The following SEPTIN9 variants were observed in gnomAD, a reference collection of about 807,000 sequenced individuals.
SEPTIN9 encodes septin-9.
Under a neutral mutation model 56.6 loss-of-function variants are expected in SEPTIN9, and 13 were observed. The ratio of observed to expected loss-of-function variants is 0.23; its 90% CI spans 0.15 to 0.37. The LOEUF (loss-of-function observed/expected upper bound fraction) is 0.37, where lower values mean the gene tolerates loss of function less well. Among genes scored for constraint, SEPTIN9 ranks in the 10% least tolerant of loss-of-function variants. The pLI, the probability that SEPTIN9 is intolerant of heterozygous loss-of-function variation, is 1.00. For missense variants in SEPTIN9, 650 were observed against 823.1 expected, an observed-to-expected ratio of 0.79 and a Z score of 2.57; for synonymous variants, 332 against 334.1, an observed-to-expected ratio of 0.99 and a Z score of 0.07.
Position 77,500,463 on chromosome 17 carries a change from G to A in SEPTIN9, c.*1805G>A. On this transcript the variant is annotated 3_prime_UTR_variant, in exon 12 of 12. Coordinates refer to ENST00000427177, the MANE Select transcript of SEPTIN9 (RefSeq NM_001113491.2). Reference sequence around the variant, plus strand: ...CTCTGTAACCAGACTTTGAAAAATTGTTCGTTTCATCAGGCTCTGTTCCTC... The same window carrying A: ...CTCTGTAACCAGACTTTGAAAAATTATTCGTTTCATCAGGCTCTGTTCCTC... The A allele has an allele frequency of 4.5e-6, 1 of 222,700 alleles. No homozygotes were observed. The highest frequency in any genetic ancestry group is 6.5e-5 in the East Asian group (1 of 15,426). 13.8% of individuals were successfully genotyped at this position (222,700 alleles called of 1,614,324 possible).
At chr17:77,470,297 C>A (rs2038932815) in intron 3 of SEPTIN9, among the ~76,000 whole-genome samples, 1 of 149,284 alleles carries the variant, frequency 6.7e-6, no homozygotes, top group African/African-American at 2.5e-5. Context: ...CATCTACTCA[C>A]CCACCCATCC....
chr17:77,344,462 A>G (rs961400658), intron 2 of SEPTIN9, among the ~76,000 whole-genome samples: 1 of 152,246 alleles, frequency 6.6e-6, no homozygotes, highest in Admixed American at 6.5e-5. Flanking sequence ...TGCTCAAAAA[A>G]TTAAACTCAG....
intron 3 of SEPTIN9, among the ~76,000 whole-genome samples, chr17:77,470,259 C>G (rs2038930124): frequency 6.6e-6 from 1 of 151,846 alleles, no homozygotes; most frequent in South Asian, 2.1e-4. Flanking sequence ...TCCACCCATC[C>G]ACTCATCTGT....
rs1014451756 is a variant in SEPTIN9 at position 77,436,447 on chromosome 17, C to G, written c.721+33744C>G. Among the ~76,000 whole-genome samples, 3 of 152,100 alleles carry G rather than the reference C, an allele frequency of 2.0e-5. No homozygotes were observed. Among genetic ancestry groups the G allele is most frequent in the Non-Finnish European group, 1.5e-5 (1 of 68,004 alleles). On this transcript the variant is annotated intron_variant, in intron 3 of 11. Coordinates refer to ENST00000427177, the MANE Select transcript of SEPTIN9 (RefSeq NM_001113491.2). This position sits in a 1 kb window ranked among gnomAD's most constrained non-coding sequence, Gnocchi z 4.4. ...ACTGGGATTTGGCAAAGCAAAGAGC[C>G]TCACTTTCTCCCCGCAGATGGGACG...
At chr17:77,303,925 C>T (rs530788878) in intron 1 of SEPTIN9, among the ~76,000 whole-genome samples, 37 of 152,290 alleles carry the variant, frequency 2.4e-4, no homozygotes, top group African/African-American at 8.9e-4. Flanking sequence ...GCTTTCCTGC[C>T]TCCTTTGCCT....
intron 3 of SEPTIN9, among the ~76,000 whole-genome samples, chr17:77,479,929 C>G (rs913574375): frequency 6.6e-6 from 1 of 152,190 alleles, no homozygotes; most frequent in African/African-American, 2.4e-5. Flanking sequence ...AGGAAGCGGC[C>G]CCAAAGCCAC....
intron 3 of SEPTIN9, among the ~76,000 whole-genome samples, chr17:77,428,394 G>T (rs2036996871): frequency 6.6e-6 from 1 of 152,220 alleles, no homozygotes; most frequent in Non-Finnish European, 1.5e-5. Context: ...GTGACAGGTG[G>T]ACACTGTACC....
chr17:77,411,135 G>A (rs1479207525), intron 3 of SEPTIN9, among the ~76,000 whole-genome samples: 1 of 151,138 alleles, frequency 6.6e-6, no homozygotes, highest in African/African-American at 2.4e-5. Context: ...AGAAAATGAA[G>A]ATCACATGAA....
chr17:77,382,260 C>T (rs905523352), intron 2 of SEPTIN9, among the ~76,000 whole-genome samples: 3 of 152,202 alleles, frequency 2.0e-5, no homozygotes, highest in Non-Finnish European at 4.4e-5. Context: ...AACTCCTTAC[C>T]TCAGGTGATC....
chr17:77,411,179 A>G (rs1369444260), intron 3 of SEPTIN9, among the ~76,000 whole-genome samples: 1 of 151,338 alleles, frequency 6.6e-6, no homozygotes, highest in Non-Finnish European at 1.5e-5. Context: ...CCATTCCCCA[A>G]CTCTCTCCCA....
rs550213791 is a variant in SEPTIN9 at position 77,459,075 on chromosome 17, G to A, written c.722-23069G>A. 4.6e-5 allele frequency among the ~76,000 whole-genome samples: 7 copies of A among 152,332 alleles called. No homozygotes were observed. The South Asian group carries it at 8.3e-4, about 18-fold the overall frequency. On this transcript the variant is annotated intron_variant, in intron 3 of 11. Transcript: ENST00000427177. ...AACGGGGCCACGGTCGGCCCCACAC[G>A]TGGCACCACCAGCCCTGCTGAGCCT... is the stretch of plus-strand genomic sequence containing the variant.
intron 3 of SEPTIN9, among the ~76,000 whole-genome samples, chr17:77,420,783 C>A (rs563815712): frequency 5.9e-5 from 9 of 152,274 alleles, no homozygotes; most frequent in African/African-American, 2.2e-4. Flanking sequence ...ATCTTTCTGG[C>A]AACAGTCAGT....
At chr17:77,488,433 C>A in intron 6 of SEPTIN9, 112 bp downstream of exon 6, 1 of 1,008,466 alleles carries the variant, frequency 9.9e-7, no homozygotes. Flanking sequence ...GGCCCACCTC[C>A]TGGGACCTGA....
chr17:77,285,751 C>T (rs940620358), intron 1 of SEPTIN9, among the ~76,000 whole-genome samples: 9 of 152,324 alleles, frequency 5.9e-5, no homozygotes, highest in East Asian at 1.9e-4. Context: ...GCACCAGCCA[C>T]GATTAAAAAG....
At chr17:77,466,620 G>A (rs1386899545) in intron 3 of SEPTIN9, 2 of 983,488 alleles carry the variant, frequency 2.0e-6, no homozygotes, top group Non-Finnish European at 2.4e-6. Context: ...AGCAGGAGGT[G>A]TGGAGGGTAG....
At chr17:77,390,475 G>A (rs1475062530) in intron 2 of SEPTIN9, among the ~76,000 whole-genome samples, 2 of 127,306 alleles carry the variant, frequency 1.6e-5, no homozygotes, top group South Asian at 2.5e-4. Context: ...TTTTTGAGAC[G>A]GAGTCTCGCT....
intron 3 of SEPTIN9, among the ~76,000 whole-genome samples, chr17:77,403,418 C>T (rs2035968654): frequency 6.6e-6 from 1 of 152,206 alleles, no homozygotes; most frequent in African/African-American, 2.4e-5. Context: ...GGAGAGAGGC[C>T]ATGGGGCTCC....
rs1184293357 is a variant in SEPTIN9 at position 77,433,229 on chromosome 17, G to A, written c.721+30526G>A. The stretch of plus-strand genomic sequence containing the variant: ...GCCGTGGTGTCCCTCTCGGTCACAG[G>A]ATGCTGCAGCCACGTTGCAGGGAAG... On this transcript the variant is annotated intron_variant, in intron 3 of 11. Transcript: ENST00000427177. The surrounding 1 kb of genome is among the most constrained non-coding windows in gnomAD (Gnocchi z 6.4). Among the ~76,000 whole-genome samples, 1 of 152,202 alleles carries A rather than the reference G, an allele frequency of 6.6e-6. No homozygotes were observed. The highest frequency in any genetic ancestry group is 1.9e-4 in the East Asian group (1 of 5,196).
In SEPTIN9 at chr17:77,476,081, C is replaced by T. The variant is rs938403613; in HGVS notation, c.722-6063C>T. The stretch of plus-strand genomic sequence containing the variant: ...TGGGCGGTGGCTCAGGGTCCCTTGC[C>T]CCAGCGGCACCATCTCTGCATTTGG... On this transcript the variant is annotated intron_variant, in intron 3 of 11. Coordinates refer to ENST00000427177, the MANE Select transcript of SEPTIN9 (RefSeq NM_001113491.2). The surrounding 1 kb of genome is among the most constrained non-coding windows in gnomAD (Gnocchi z 6.0). Among the ~76,000 whole-genome samples, 1 of 152,090 alleles carries T rather than the reference C, an allele frequency of 6.6e-6. No homozygotes were observed. Among genetic ancestry groups the T allele is most frequent in the Non-Finnish European group, 1.5e-5 (1 of 68,006 alleles).
Sources: allele counts gnomAD v4.1 joint callset (sites outside exome capture counted in the v4.1 genomes callset), GRCh38; gene constraint gnomAD v4.1.1; non-coding constraint Gnocchi (gnomAD v3.1); transcripts MANE v1.5; gene names NCBI Gene and HGNC (gene_info 2026-07-23, HGNC 2026-07-21).